Variants in LYST observed in about 807,000 individuals in gnomAD.
LYST encodes the protein lysosomal trafficking regulator, also known as lysosomal-trafficking regulator.
In LYST, 192 loss-of-function variants were observed where a neutral mutation model predicts 413.6. The observed-to-expected ratio is 0.46, with a 90% CI of 0.41 to 0.52. The LOEUF (loss-of-function observed/expected upper bound fraction) is 0.52. LYST is among the 20% of genes least tolerant of loss of function. LYST has a pLI of 0.00. For missense variants in LYST, 3,815 were observed against 4,499.9 expected (o/e 0.85, Z 4.35); for synonymous variants, 1,525 against 1,567.3 (o/e 0.97, Z 0.64).
chr1:235,736,376 G>A lies in LYST; in HGVS notation c.8359-1717C>T, dbSNP rs535982309. ...GGAGAAAGGTTTTAAAGAAGGTATAGAGTGATCTGGGTCATGGCCAAATGA... is the reference window on the plus strand; with the variant it reads ...GGAGAAAGGTTTTAAAGAAGGTATAAAGTGATCTGGGTCATGGCCAAATGA... On this transcript the variant is annotated intron_variant, in intron 31 of 52. Coordinates refer to ENST00000389793, the MANE Select transcript of LYST (RefSeq NM_000081.4). 6 of 152,236 alleles carry A rather than the reference G, an allele frequency of 3.9e-5. No individual in the cohort carries two copies. In the South Asian group the frequency reaches 1.0e-3, roughly 26 times the overall value. The allele number at this position is 152,236 out of a possible 1,614,324, so 9.4% of individuals were successfully genotyped here.
chr1:235,809,791 C>T lies in LYST; in HGVS notation c.1027G>A (p.Glu343Lys), dbSNP rs1673258101. 1.2e-6 allele frequency: 2 copies of T among 1,613,930 alleles called. No individual in the cohort carries two copies. The highest frequency in any genetic ancestry group is 2.7e-5 in the African/African-American group (2 of 74,906). ...HLLSVDVSTAEMMPENLRKNL... is the reference protein window; with the variant it reads ...HLLSVDVSTAKMMPENLRKNL... Reference sequence around the variant, plus strand: ...TTCCTAAGATTTTCTGGCATCATCTCTGCAGTACTAACATCTACTGACAGA... The same window carrying T: ...TTCCTAAGATTTTCTGGCATCATCTTTGCAGTACTAACATCTACTGACAGA... The change falls in exon 5 of 53, where the codon GAG becomes AAG. Residue 343 changes from glutamate (E) to lysine (K), a missense_variant. Coordinates refer to ENST00000389793, the MANE Select transcript of LYST (RefSeq NM_000081.4). The surrounding 1 kb of genome is among the most constrained non-coding windows in gnomAD (Gnocchi z 4.0).
chr1:235,809,630 A>G lies in LYST; in HGVS notation c.1188T>C (p.His396=). 1 of 1,614,124 alleles carries G rather than the reference A, an allele frequency of 6.2e-7. No homozygotes were observed. The highest frequency in any genetic ancestry group is 8.5e-7 in the Non-Finnish European group (1 of 1,179,980). Residue 396 remains histidine, a synonymous_variant, in exon 5 of 53, where the codon CAT becomes CAC. Transcript: ENST00000389793. This position sits in a 1 kb window ranked among gnomAD's most constrained non-coding sequence, Gnocchi z 4.0. Reference sequence around the variant, plus strand: ...AAAGCTCAGGTAAAAGAAGGGCTCTATGACGATACTTTGAAAACACAAAAT... The same window carrying G: ...AAAGCTCAGGTAAAAGAAGGGCTCTGTGACGATACTTTGAAAACACAAAAT... ...QEDFVFSKYR[H]RALLLPELLE... is the part of the protein sequence containing the mutation.
At chr1:235,828,090 T>C (rs1675538146) in intron 3 of LYST, 1 of 818,974 alleles carries the variant, frequency 1.2e-6, no homozygotes, top group Non-Finnish European at 1.5e-6. Context: ...CATATTCTTT[T>C]AGAATGGCTA....
chr1:235,772,566 A>C (rs1358364072), intron 19 of LYST, among the ~76,000 whole-genome samples: 2 of 152,200 alleles, frequency 1.3e-5, no homozygotes, highest in East Asian at 3.8e-4. Flanking sequence ...TCATTCCCTG[A>C]CTGGGTCCTT....
At position 235,809,667 on chromosome 1, in the gene LYST, T is replaced by A. The variant is rs1673241695; in HGVS notation, c.1151A>T (p.Glu384Val). The A allele has an allele frequency of 6.2e-7, 1 of 1,613,864 alleles. No homozygotes were observed. ...TGAAAACACAAAATCTTCCTGAACC[T>A]CCTGCAGTGTTTTCTTTTGTCTTGG... ...FAPRQKKTLQEVQEDFVFSKY... is the reference protein window; with the variant it reads ...FAPRQKKTLQVVQEDFVFSKY... The change falls in exon 5 of 53, where the codon GAG (glutamate) becomes GTG (valine). Residue 384 changes from glutamate (E) to valine (V), a missense_variant. Physicochemically the swap from Glu to Val is moderately radical, Grantham distance 121 (BLOSUM62 -2). Around this residue, in one of 4 missense-constraint regions of LYST, gnomAD observed 1,648 missense variants for 1,810.3 expected, o/e 0.91. Transcript: ENST00000389793. The surrounding 1 kb of genome is among the most constrained non-coding windows in gnomAD (Gnocchi z 4.0).
intron 47 of LYST, among the ~76,000 whole-genome samples, chr1:235,687,945 G>A (rs1340790393): frequency 1.3e-5 from 2 of 152,158 alleles, no homozygotes; most frequent in Non-Finnish European, 2.9e-5. Flanking sequence ...CTACAAGTGT[G>A]TTCACGTCTC....
chr1:235,806,906 T>C (rs1572329640), intron 5 of LYST, 134 bp from the exon 6 acceptor site: 2 of 677,430 alleles, frequency 3.0e-6, no homozygotes, highest in African/African-American at 3.6e-5. Context: ...TCATCAATTA[T>C]CAGGCTAAAG....
At chr1:235,714,509 T>C (rs542997980) in intron 42 of LYST, among the ~76,000 whole-genome samples, 18 of 152,194 alleles carry the variant, frequency 1.2e-4, no homozygotes, top group Non-Finnish European at 2.5e-4. Flanking sequence ...GTAAAAAGCA[T>C]GAAGTAGTTC....
chr1:235,782,178 TTC>T, intron 14 of LYST, 91 bp from the exon 15 acceptor site: 11 of 1,157,102 alleles, frequency 9.5e-6, no homozygotes, highest in South Asian at 5.6e-5. Flanking sequence ...CAATGGGGAA[TTC>T]TTTTTTTTTT....
In LYST at chr1:235,686,997, G is replaced by A; in HGVS notation, c.10752C>T (p.Ser3584=). ...VPDSCQLFTG[S]KCGVITAYTN... ...TGTAGGCTGTGATGACACCGCATTT[G>A]CTTCCAGTAAACAGCTGGCAACTGT... Residue 3584 remains serine (S), a synonymous_variant, in exon 48 of 53, where the codon AGC becomes AGT. Transcript: ENST00000389793. The surrounding 1 kb of genome is among the most constrained non-coding windows in gnomAD (Gnocchi z 4.0). 1 of 1,614,086 alleles carries A rather than the reference G, an allele frequency of 6.2e-7. No homozygotes were observed. The highest frequency in any genetic ancestry group is 8.5e-7 in the Non-Finnish European group (1 of 1,179,976).
At chr1:235,699,073 A>G (rs1309894259) in intron 45 of LYST, among the ~76,000 whole-genome samples, 1 of 152,134 alleles carries the variant, frequency 6.6e-6, no homozygotes, top group African/African-American at 2.4e-5. Context: ...GTTTTATATC[A>G]TAGCATATTT....
intron 32 of LYST, 115 bp from the exon 33 acceptor site, chr1:235,734,021 C>A (rs1664610044): frequency 1.8e-6 from 1 of 571,130 alleles, no homozygotes; most frequent in South Asian, 2.7e-5. Flanking sequence ...AAACAATTGT[C>A]CCTAGGAGAC....
At chr1:235,688,804 G>A (rs1166790506) in intron 47 of LYST, among the ~76,000 whole-genome samples, 1 of 151,916 alleles carries the variant, frequency 6.6e-6, no homozygotes, top group Non-Finnish European at 1.5e-5. Context: ...CTAACATGGT[G>A]AAACCCCGTC....
chr1:235,709,358 A>C (rs571247059), intron 43 of LYST, 50 bp from the exon 44 acceptor site: 30 of 1,429,020 alleles, frequency 2.1e-5, no homozygotes, highest in Middle Eastern at 2.3e-4. Context: ...AGCAAGTTTC[A>C]TTCAGCTACA....
chr1:235,685,762 C>A (rs1660165443), intron 48 of LYST, among the ~76,000 whole-genome samples: 1 of 151,474 alleles, frequency 6.6e-6, no homozygotes, highest in Non-Finnish European at 1.5e-5. Flanking sequence ...AGAAGAATTG[C>A]TTGAACCCGG....
intron 44 of LYST, among the ~76,000 whole-genome samples, chr1:235,704,309 C>T (rs765076933): frequency 3.9e-5 from 6 of 152,094 alleles, no homozygotes; most frequent in Non-Finnish European, 7.4e-5. Flanking sequence ...AGTTCTGTTT[C>T]TAGCTCTCTG....
At chr1:235,731,221 G>A (rs749923495) in intron 34 of LYST, 44 bp from the exon 35 acceptor site, 6 of 1,572,288 alleles carry the variant, frequency 3.8e-6, no homozygotes, top group Non-Finnish European at 3.5e-6. Flanking sequence ...GACCATCCAG[G>A]ACTTGTAGCT....
chr1:235,839,109 G>C (rs1174586293), intron 1 of LYST, among the ~76,000 whole-genome samples: 1 of 150,846 alleles, frequency 6.6e-6, no homozygotes, highest in African/African-American at 2.4e-5. Context: ...ACAGGCGTGA[G>C]CCACTGCACC....
chr1:235,872,046 A>G (rs1208754926), intron 1 of LYST, among the ~76,000 whole-genome samples: 3 of 152,218 alleles, frequency 2.0e-5, no homozygotes, highest in Admixed American at 6.5e-5. Context: ...CTGTAATCCC[A>G]GCACTTTGGG....
Sources: allele counts gnomAD v4.1 joint callset (sites outside exome capture counted in the v4.1 genomes callset), GRCh38; gene constraint gnomAD v4.1.1; regional missense constraint gnomAD v4.1.1; non-coding constraint Gnocchi (gnomAD v3.1); transcripts MANE v1.5; gene names NCBI Gene and HGNC (gene_info 2026-07-23, HGNC 2026-07-21).